The following CSMD1 variants were observed in gnomAD, a reference collection of about 807,000 sequenced individuals.
CSMD1 encodes CUB and sushi domain-containing protein 1.
Under a neutral mutation model 417.5 loss-of-function variants are expected in CSMD1, and 213 were observed. The observed-to-expected ratio is 0.51, with a 90% CI of 0.46 to 0.57. CSMD1 has a LOEUF of 0.57. CSMD1 is among the 20% of genes least tolerant of loss of function. CSMD1 has a pLI of 0.00. For synonymous variants in CSMD1, 2,862 were observed against 1,736.8 expected (o/e 1.65, Z -16.11); for missense variants, 6,923 against 4,529.7 (o/e 1.53, Z -15.17).
chr8:4,526,752 C>T (rs148440325), intron 2 of CSMD1, among the ~76,000 whole-genome samples: 7 of 152,126 alleles, frequency 4.6e-5, no homozygotes, highest in African/African-American at 1.2e-4. Flanking sequence ...TAACAGGTTA[C>T]GTTAGCAGGG....
intron 1 of CSMD1, among the ~76,000 whole-genome samples, chr8:4,712,724 T>G (rs1808388625): frequency 6.6e-6 from 1 of 152,220 alleles, no homozygotes; most frequent in Admixed American, 6.5e-5. Flanking sequence ...CTCTCTCTTT[T>G]TTCACTTGTG....
intron 5 of CSMD1, among the ~76,000 whole-genome samples, chr8:3,794,551 C>A (rs1799935184): frequency 6.6e-6 from 1 of 152,056 alleles, no homozygotes; most frequent in South Asian, 2.1e-4. Context: ...ATACAACTTT[C>A]CTGCCATCAA....
chr8:3,970,954 T>A (rs1197081836), intron 5 of CSMD1, among the ~76,000 whole-genome samples: 1 of 152,158 alleles, frequency 6.6e-6, no homozygotes, highest in African/African-American at 2.4e-5. Context: ...TTTCACCATG[T>A]TGGCCGGGCT....
At chr8:3,897,180 T>A (rs1032403533) in intron 5 of CSMD1, among the ~76,000 whole-genome samples, 1 of 152,190 alleles carries the variant, frequency 6.6e-6, no homozygotes, top group Non-Finnish European at 1.5e-5. Flanking sequence ...CAAGGGTTAG[T>A]AGCACAATGG....
intron 1 of CSMD1, among the ~76,000 whole-genome samples, chr8:4,786,514 T>C (rs1797409656): frequency 6.6e-6 from 1 of 152,174 alleles, no homozygotes; most frequent in South Asian, 2.1e-4. Flanking sequence ...AGATGTAAAT[T>C]GGTGGTTGGT....
chr8:4,549,796 C>T (rs1361117263), intron 2 of CSMD1, among the ~76,000 whole-genome samples: 3 of 146,206 alleles, frequency 2.1e-5, no homozygotes, highest in Non-Finnish European at 4.5e-5. Context: ...ACTTGGGAGG[C>T]TGAGGCAGGA....
chr8:4,646,010 G>A (rs927118424), intron 1 of CSMD1, among the ~76,000 whole-genome samples: 1 of 152,118 alleles, frequency 6.6e-6, no homozygotes, highest in Non-Finnish European at 1.5e-5. Flanking sequence ...TTTTATTCAC[G>A]ATTCCCAGAT....
intron 3 of CSMD1, among the ~76,000 whole-genome samples, chr8:4,120,513 A>C (rs1377596503): frequency 6.6e-6 from 1 of 152,134 alleles, no homozygotes; most frequent in Non-Finnish European, 1.5e-5. Context: ...ATTATTTCCA[A>C]ATTTCTATAT....
intron 1 of CSMD1, among the ~76,000 whole-genome samples, chr8:4,978,107 G>A (rs1810670123): frequency 6.6e-6 from 1 of 152,112 alleles, no homozygotes. Context: ...CGTGAGTTCT[G>A]GGTAGCCTAT....
At chr8:3,169,023 T>C in intron 37 of CSMD1, among the ~76,000 whole-genome samples, 1 of 152,304 alleles carries the variant, frequency 6.6e-6, no homozygotes, top group African/African-American at 2.4e-5. Context: ...TAATACATGG[T>C]TTCCAAAATT....
chr8:3,131,437 T>C (rs567793842), intron 41 of CSMD1, among the ~76,000 whole-genome samples: 1 of 151,720 alleles, frequency 6.6e-6, no homozygotes, highest in East Asian at 1.9e-4. Flanking sequence ...TTATCTATGA[T>C]TTGGTGACAA....
At chr8:3,347,011 G>T (rs190847745) in intron 22 of CSMD1, among the ~76,000 whole-genome samples, 1 of 152,110 alleles carries the variant, frequency 6.6e-6, no homozygotes, top group Non-Finnish European at 1.5e-5. Flanking sequence ...GCTTCCCTGT[G>T]CCATGTTGAA....
chr8:3,623,805 G>A (rs1050235530), intron 7 of CSMD1, among the ~76,000 whole-genome samples: 1 of 151,944 alleles, frequency 6.6e-6, no homozygotes, highest in Admixed American at 6.6e-5. Context: ...GAGAAACCCT[G>A]TCTCTACTAA....
intron 3 of CSMD1, among the ~76,000 whole-genome samples, chr8:4,208,621 A>G (rs1188916589): frequency 2.0e-5 from 3 of 152,206 alleles, no homozygotes; most frequent in Non-Finnish European, 4.4e-5. Context: ...ATATAGAGTC[A>G]TAAAACTAAG....
At chr8:4,393,330 G>A (rs1046981267) in intron 3 of CSMD1, among the ~76,000 whole-genome samples, 5 of 152,136 alleles carry the variant, frequency 3.3e-5, no homozygotes, top group African/African-American at 1.2e-4. Context: ...TCACAAAGTT[G>A]AGGCAGCAGA....
chr8:3,824,572 C>A (rs1801941514), intron 5 of CSMD1, among the ~76,000 whole-genome samples: 1 of 152,176 alleles, frequency 6.6e-6, no homozygotes, highest in Admixed American at 6.5e-5. Flanking sequence ...ATACGGAATG[C>A]ATTTCTGTGA....
chr8:3,364,106 G>C (rs1250890290), intron 20 of CSMD1, among the ~76,000 whole-genome samples: 1 of 152,058 alleles, frequency 6.6e-6, no homozygotes, highest in Non-Finnish European at 1.5e-5. Flanking sequence ...CAAAGTCTCT[G>C]GATGGGTAAA....
intron 5 of CSMD1, among the ~76,000 whole-genome samples, chr8:3,785,455 G>C (rs1258091203): frequency 6.6e-6 from 1 of 152,186 alleles, no homozygotes; most frequent in Non-Finnish European, 1.5e-5. Context: ...GATCAGCAAT[G>C]GGCCATGCCC....
intron 3 of CSMD1, among the ~76,000 whole-genome samples, chr8:4,222,529 A>G (rs1457028653): frequency 1.3e-5 from 2 of 152,208 alleles, no homozygotes; most frequent in African/African-American, 4.8e-5. Context: ...AATAATCAAG[A>G]AAACATAAAA....
Sources: allele counts gnomAD v4.1 joint callset (sites outside exome capture counted in the v4.1 genomes callset), GRCh38; gene constraint gnomAD v4.1.1; transcripts MANE v1.5; gene names NCBI Gene and HGNC (gene_info 2026-07-23, HGNC 2026-07-21).